CDH6: variants seen among roughly 807,000 people sequenced by gnomAD.
The protein encoded by CDH6 is cadherin 6, also known as cadherin-6.
A neutral mutation model predicts 78.0 loss-of-function variants in CDH6; 31 were observed. The observed-to-expected ratio is 0.40, with a 90% CI of 0.30 to 0.54. The LOEUF (loss-of-function observed/expected upper bound fraction) is 0.54. Among genes scored for constraint, CDH6 ranks in the 20% least tolerant of loss-of-function variants. The probability of loss-of-function intolerance (pLI) is 0.56; values close to 1 mark genes in which losing one functional copy is unlikely to be tolerated. For synonymous variants in CDH6, 376 were observed against 368.8 expected (o/e 1.02, Z -0.23); for missense variants, 724 against 975.9 (o/e 0.74, Z 3.44).
Position 31,236,107 on chromosome 5 carries a change from T to C in CDH6, c.-128-31239T>C, listed in dbSNP as rs564461121. The stretch of plus-strand genomic sequence containing the variant: ...CCTAAAAATATATAACAATTTATTA[T>C]GCGGTATAAATTTTTATTAATGGTG... On this transcript the variant is annotated intron_variant, in intron 1 of 11. Coordinates refer to ENST00000265071, the MANE Select transcript of CDH6 (RefSeq NM_004932.4). Among the ~76,000 whole-genome samples the C allele has an allele frequency of 6.6e-5, 10 of 152,332 alleles. 1 individual carries two copies. The South Asian group carries it at 2.1e-3, about 32-fold the overall frequency.
intron 1 of CDH6, among the ~76,000 whole-genome samples, chr5:31,256,535 G>A (rs1742059663): frequency 6.6e-6 from 1 of 152,160 alleles, no homozygotes; most frequent in Admixed American, 6.5e-5. Context: ...GCAAGCCTTC[G>A]TGGCCCTTAC....
intron 1 of CDH6, among the ~76,000 whole-genome samples, chr5:31,261,039 G>C (rs1742198605): frequency 6.6e-6 from 1 of 152,142 alleles, no homozygotes; most frequent in East Asian, 1.9e-4. Flanking sequence ...AATTGATCTT[G>C]AGCAAGCTTA....
chr5:31,237,457 G>A (rs1235489758), intron 1 of CDH6, among the ~76,000 whole-genome samples: 1 of 152,050 alleles, frequency 6.6e-6, no homozygotes, highest in Admixed American at 6.6e-5. Flanking sequence ...TCACATCAGG[G>A]TCAAGGGCAG....
At position 31,291,969 on chromosome 5, in the gene CDH6, C is replaced by T. The variant is rs118033892; in HGVS notation, c.229-1993C>T. Among the ~76,000 whole-genome samples, 151 of 152,296 alleles carry T rather than the reference C, an allele frequency of 9.9e-4. 3 individuals are homozygous for T. The East Asian group carries it at 0.028, about 28-fold the overall frequency. On this transcript the variant is annotated intron_variant, in intron 2 of 11. Coordinates refer to ENST00000265071, the MANE Select transcript of CDH6 (RefSeq NM_004932.4). ...ATAATATTCTCTTCCCCAAACACCA[C>T]GATTAACTAGCTTTTGCTGTGTTAC...
chr5:31,265,043 G>A (rs1742304456), intron 1 of CDH6, among the ~76,000 whole-genome samples: 1 of 152,176 alleles, frequency 6.6e-6, no homozygotes, highest in South Asian at 2.1e-4. Context: ...GCACCATGGG[G>A]TGCTCACAGA....
At position 31,297,198 on chromosome 5, in the gene CDH6, A is replaced by G. The variant is rs1248261886; in HGVS notation, c.524-91A>G. ...TCGACTTCCTCAGCATGATATTTCC[A>G]TACAAAATTAAGATCGTGCTGGTTT... On this transcript the variant is annotated intron_variant, in intron 3 of 11. Transcript: ENST00000265071. 19 of 1,115,192 alleles carry G rather than the reference A, an allele frequency of 1.7e-5. 1 individual carries two copies. Among genetic ancestry groups the G allele is most frequent in the Middle Eastern group, 2.0e-4 (1 of 5,092 alleles). The allele number at this position is 1,115,192 out of a possible 1,614,324, so 69.1% of individuals were successfully genotyped here.
Position 31,294,321 on chromosome 5 carries a change from C to A in CDH6, c.523+65C>A, listed in dbSNP as rs1737518255. ...CTAGTGCATCCACTGAGTAAGGAAT[C>A]CCACGAGCTCAAAGTACTGAACTGC... On this transcript the variant is annotated intron_variant, in intron 3 of 11. Coordinates refer to ENST00000265071, the MANE Select transcript of CDH6 (RefSeq NM_004932.4). The surrounding 1 kb of genome is among the most constrained non-coding windows in gnomAD (Gnocchi z 4.1). The A allele has an allele frequency of 7.5e-7, 1 of 1,341,048 alleles. No homozygotes were observed. The highest frequency in any genetic ancestry group is 1.3e-5 in the South Asian group (1 of 75,108). The allele number at this position is 1,341,048 out of a possible 1,614,324, so 83.1% of individuals were successfully genotyped here. A position where few individuals can be genotyped will look rare whatever the true frequency, so the allele number is the denominator to read the frequency against.
chr5:31,211,521 G>A (rs921014653), intron 1 of CDH6, among the ~76,000 whole-genome samples: 26 of 152,168 alleles, frequency 1.7e-4, no homozygotes, highest in South Asian at 1.5e-3. Flanking sequence ...TTGGAAAGGC[G>A]AATAAGCTGA....
intron 6 of CDH6, among the ~76,000 whole-genome samples, chr5:31,303,792 A>C (rs1391219031): frequency 6.6e-6 from 1 of 152,120 alleles, no homozygotes; most frequent in African/African-American, 2.4e-5. Flanking sequence ...TACGTGTCTT[A>C]ATATCTGGAA....
intron 2 of CDH6, among the ~76,000 whole-genome samples, chr5:31,290,733 A>G (rs1743133216): frequency 6.6e-6 from 1 of 152,168 alleles, no homozygotes; most frequent in African/African-American, 2.4e-5. Context: ...GAGAAAAAGC[A>G]GAGGCTTTGG....
At chr5:31,276,379 C>T (rs1236955450) in intron 2 of CDH6, among the ~76,000 whole-genome samples, 2 of 152,102 alleles carry the variant, frequency 1.3e-5, no homozygotes, top group African/African-American at 4.8e-5. Context: ...TAATTTCTTC[C>T]AGTTTTTTAT....
Position 31,309,286 on chromosome 5 carries a change from TAAC to T in CDH6, c.1253+3862_1253+3864del, listed in dbSNP as rs71947123. On this transcript the variant is annotated intron_variant, in intron 7 of 11. Coordinates refer to ENST00000265071, the MANE Select transcript of CDH6 (RefSeq NM_004932.4). ...CTATTTCATTTAGACACTCACTAGA[TAAC>T]AAAAATAAATTTTATGAAGATAAAA... 3.1e-3 allele frequency among the ~76,000 whole-genome samples: 472 copies of T among 152,260 alleles called. 5 individuals carry two copies. The highest frequency in any genetic ancestry group is 0.011 in the African/African-American group (446 of 41,572).
At chr5:31,297,024 G>A (rs921014004) in intron 3 of CDH6, among the ~76,000 whole-genome samples, 9 of 152,096 alleles carry the variant, frequency 5.9e-5, no homozygotes, top group African/African-American at 9.6e-5. Context: ...GTCAAATCCC[G>A]CCATTGGAGA....
chr5:31,231,783 G>A (rs1741316857), intron 1 of CDH6, among the ~76,000 whole-genome samples: 1 of 152,122 alleles, frequency 6.6e-6, no homozygotes, highest in South Asian at 2.1e-4. Context: ...TGCCACACTG[G>A]GGATTAAATT....
intron 1 of CDH6, among the ~76,000 whole-genome samples, chr5:31,235,013 G>T (rs1741413037): frequency 6.6e-6 from 1 of 152,036 alleles, no homozygotes; most frequent in Non-Finnish European, 1.5e-5. Context: ...GAGGGAGTTT[G>T]CCATACTGTA....
At chr5:31,265,379 C>T (rs1362725989) in intron 1 of CDH6, among the ~76,000 whole-genome samples, 1 of 152,164 alleles carries the variant, frequency 6.6e-6, no homozygotes, top group Non-Finnish European at 1.5e-5. Context: ...AATTTACTTA[C>T]CTGTGGAATA....
chr5:31,273,442 C>T (rs1025631293), intron 2 of CDH6, among the ~76,000 whole-genome samples: 2 of 152,090 alleles, frequency 1.3e-5, no homozygotes, highest in African/African-American at 4.8e-5. Context: ...CTCGTTGGAT[C>T]CTCGCAGCAA....
At chr5:31,215,357 A>T (rs757426377) in intron 1 of CDH6, among the ~76,000 whole-genome samples, 14 of 152,344 alleles carry the variant, frequency 9.2e-5, no homozygotes, top group Middle Eastern at 3.4e-3. Flanking sequence ...TAGGGGTACC[A>T]TCAATATTTA....
intron 1 of CDH6, among the ~76,000 whole-genome samples, chr5:31,253,186 C>T (rs1270517314): frequency 6.6e-6 from 1 of 152,156 alleles, no homozygotes; most frequent in East Asian, 1.9e-4. Context: ...TTCTGTGTCC[C>T]CACCCAAATC....
Sources: gnomAD v4.1 joint callset for allele counts (sites outside exome capture counted in the v4.1 genomes callset) on GRCh38, gnomAD v4.1.1 for gene constraint, Gnocchi (gnomAD v3.1) non-coding constraint, MANE v1.5 for transcripts, NCBI Gene and HGNC (gene_info 2026-07-23, HGNC 2026-07-21) for gene names.